The following CSTPP1 variants were observed in gnomAD, a reference collection of about 807,000 sequenced individuals.
The protein encoded by CSTPP1 is UPF0705 protein C11orf49.
chr11:46,990,048 G>A, the CSTPP1 span, among the ~76,000 whole-genome samples: 2 of 152,232 alleles, frequency 1.3e-5, no homozygotes, highest in East Asian at 3.9e-4. Context: ...AGTTCACCTT[G>A]ATGGGCACCT....
chr11:47,162,745 C>T, the CSTPP1 span, among the ~76,000 whole-genome samples: 1 of 152,180 alleles, frequency 6.6e-6, no homozygotes, highest in Admixed American at 6.5e-5. Context: ...CCAAGCAGAA[C>T]AGGACTGCCT....
At chr11:47,110,008 T>G in the CSTPP1 span, among the ~76,000 whole-genome samples, 2 of 152,222 alleles carry the variant, frequency 1.3e-5, no homozygotes, top group African/African-American at 4.8e-5. Flanking sequence ...TGGTGAGTTC[T>G]CAGCTCAAAT....
the CSTPP1 span, among the ~76,000 whole-genome samples, chr11:47,105,996 G>T: frequency 1.3e-5 from 2 of 152,080 alleles, no homozygotes; most frequent in Non-Finnish European, 2.9e-5. Context: ...TATAAATTTG[G>T]GGTCAGAGGG....
At chr11:47,042,207 A>C in the CSTPP1 span, among the ~76,000 whole-genome samples, 5 of 152,148 alleles carry the variant, frequency 3.3e-5, no homozygotes, top group Admixed American at 6.6e-5. Flanking sequence ...GTCCAAAAAA[A>C]TAAAAAATAA....
At chr11:47,099,753 A>G in the CSTPP1 span, among the ~76,000 whole-genome samples, 54 of 152,358 alleles carry the variant, frequency 3.5e-4, 1 homozygote, top group South Asian at 0.011. Flanking sequence ...TCACCTGCCA[A>G]TGAAAAAGAT....
the CSTPP1 span, among the ~76,000 whole-genome samples, chr11:47,026,213 G>T: frequency 6.6e-6 from 1 of 152,218 alleles, no homozygotes; most frequent in Admixed American, 6.5e-5. Context: ...AGATGTAACA[G>T]AAATACTGTA....
At chr11:46,940,686 G>C in the CSTPP1 span, among the ~76,000 whole-genome samples, 1 of 152,232 alleles carries the variant, frequency 6.6e-6, no homozygotes, top group South Asian at 2.1e-4. Flanking sequence ...TATATATAGA[G>C]AGAGAGCTTA....
chr11:47,139,535 G>A, the CSTPP1 span, among the ~76,000 whole-genome samples: 7 of 152,090 alleles, frequency 4.6e-5, no homozygotes, highest in Non-Finnish European at 1.0e-4. Flanking sequence ...TTAGCCTGGC[G>A]TGGTGGCAGG....
the CSTPP1 span, among the ~76,000 whole-genome samples, chr11:46,953,241 A>G: frequency 6.6e-6 from 1 of 152,238 alleles, no homozygotes. Flanking sequence ...AGGCGTTGAG[A>G]ATAGGCTAGA....
chr11:46,954,654 G>A, the CSTPP1 span, among the ~76,000 whole-genome samples: 2 of 152,044 alleles, frequency 1.3e-5, no homozygotes, highest in Non-Finnish European at 2.9e-5. Flanking sequence ...AGAATTGCTG[G>A]ATTTAAAGTT....
the CSTPP1 span, among the ~76,000 whole-genome samples, chr11:47,009,418 A>G: frequency 6.6e-6 from 1 of 152,222 alleles, no homozygotes; most frequent in African/African-American, 2.4e-5. Context: ...ATGGAGGACT[A>G]GTACAAGGTA....
At chr11:46,984,821 C>T in the CSTPP1 span, among the ~76,000 whole-genome samples, 1 of 151,726 alleles carries the variant, frequency 6.6e-6, no homozygotes, top group African/African-American at 2.4e-5. Flanking sequence ...AGGAAGGACT[C>T]TTTTTATAAG....
chr11:47,084,104 A>G, the CSTPP1 span, among the ~76,000 whole-genome samples: 2 of 152,188 alleles, frequency 1.3e-5, no homozygotes, highest in African/African-American at 4.8e-5. Flanking sequence ...TAGCCATTCT[A>G]GTGGTTGTGA....
the CSTPP1 span, among the ~76,000 whole-genome samples, chr11:47,013,005 ATT>A: frequency 2.6e-5 from 2 of 78,310 alleles, no homozygotes; most frequent in African/African-American, 7.9e-5. Context: ...TTATATATAT[ATT>A]TTATTATATA....
chr11:47,073,955 C>T, the CSTPP1 span, among the ~76,000 whole-genome samples: 1 of 152,118 alleles, frequency 6.6e-6, no homozygotes, highest in Non-Finnish European at 1.5e-5. Context: ...CATCTCTGTG[C>T]ACAAGCTTGT....
the CSTPP1 span, among the ~76,000 whole-genome samples, chr11:46,951,088 T>C: frequency 6.6e-6 from 1 of 152,142 alleles, no homozygotes; most frequent in South Asian, 2.1e-4. Context: ...TTATATAACT[T>C]GTCCAAGGTC....
the CSTPP1 span, among the ~76,000 whole-genome samples, chr11:46,956,443 G>C: frequency 6.6e-6 from 1 of 152,100 alleles, no homozygotes; most frequent in South Asian, 2.1e-4. Context: ...CACAAACTAG[G>C]CCACCTAGCA....
At chr11:46,996,829 G>A in the CSTPP1 span, among the ~76,000 whole-genome samples, 67 of 152,220 alleles carry the variant, frequency 4.4e-4, 3 homozygotes, top group East Asian at 0.013. Flanking sequence ...AGTTTGACTG[G>A]GTATGAAATT....
the CSTPP1 span, among the ~76,000 whole-genome samples, chr11:47,050,041 T>G: frequency 1.3e-5 from 2 of 152,060 alleles, no homozygotes; most frequent in Admixed American, 6.6e-5. Flanking sequence ...AGAAGCAGAA[T>G]CTAGCCATAT....
Sources: allele counts gnomAD v4.1 joint callset (sites outside exome capture counted in the v4.1 genomes callset), GRCh38; gene constraint gnomAD v4.1.1; transcripts MANE v1.5; gene names NCBI Gene and HGNC (gene_info 2026-07-23, HGNC 2026-07-21).